Variants in BAMBI observed in about 807,000 individuals in gnomAD.
The protein encoded by BAMBI is BMP and activin membrane bound inhibitor.
A neutral mutation model predicts 24.1 loss-of-function variants in BAMBI; 21 were observed. The ratio of observed to expected loss-of-function variants is 0.87; its 90% CI spans 0.62 to 1.26. The LOEUF (loss-of-function observed/expected upper bound fraction) is 1.26, where lower values mean the gene tolerates loss of function less well. BAMBI is among the 50% of genes most tolerant of loss of function. The probability of loss-of-function intolerance (pLI) is 0.00; values close to 1 mark genes in which losing one functional copy is unlikely to be tolerated. For synonymous variants in BAMBI, 156 were observed against 123.1 expected, an observed-to-expected ratio of 1.27 and a Z score of -1.77; for missense variants, 388 against 329.1, an observed-to-expected ratio of 1.18 and a Z score of -1.38.
rs1359783512 is a variant in BAMBI at position 28,682,644 on chromosome 10, C to T, written c.*243C>T. ...GAGAAGACTTTGTACACACTGTCAC[C>T]AGGGTTATTTGCATCCAAGGGAGCT... On this transcript the variant is annotated 3_prime_UTR_variant, in exon 3 of 3. Coordinates refer to ENST00000375533, the MANE Select transcript of BAMBI (RefSeq NM_012342.3). 1 of 401,758 alleles carries T rather than the reference C, an allele frequency of 2.5e-6. No individual in the cohort carries two copies. Among genetic ancestry groups the T allele is most frequent in the African/African-American group, 2.0e-5 (1 of 50,066 alleles). The allele number at this position is 401,758 out of a possible 1,614,324, so 24.9% of individuals were successfully genotyped here.
chr10:28,678,004 T>A, intron 1 of BAMBI, 31 bp downstream of exon 1: 1 of 1,495,172 alleles, frequency 6.7e-7, no homozygotes. Context: ...GGGCCCGGGG[T>A]CCCGTCCTCG....
chr10:28,682,510 CAA>C lies in BAMBI; in HGVS notation c.*112_*113del, dbSNP rs1834511203. 3 of 995,368 alleles carry C rather than the reference CAA, an allele frequency of 3.0e-6. No homozygotes were observed. Among genetic ancestry groups the C allele is most frequent in the South Asian group, 3.4e-5 (2 of 58,360 alleles). 61.7% of individuals were successfully genotyped at this position (995,368 alleles called of 1,614,324 possible). A position where few individuals can be genotyped will look rare whatever the true frequency, so the allele number is the denominator to read the frequency against. On this transcript the variant is annotated 3_prime_UTR_variant, in exon 3 of 3. Transcript: ENST00000375533. The stretch of plus-strand genomic sequence containing the variant: ...AACTCATTTAATCATCTTTGAGAGA[CAA>C]AATGACCTCTGCAAACAGAATCTTG...
Position 28,677,878 on chromosome 10 carries a change from C to G in BAMBI, c.-20C>G, listed in dbSNP as rs1588642502. 8 of 1,492,314 alleles carry G rather than the reference C, an allele frequency of 5.4e-6. No homozygotes were observed. In the East Asian group the frequency reaches 2.2e-4, roughly 41 times the overall value. The allele number at this position is 1,492,314 out of a possible 1,614,324, so 92.4% of individuals were successfully genotyped here. A position where few individuals can be genotyped will look rare whatever the true frequency, so the allele number is the denominator to read the frequency against. On this transcript the variant is annotated 5_prime_UTR_variant, in exon 1 of 3. Transcript: ENST00000375533. ...GGGCTCCGGAAGCCGGCGGGGGCGC[C>G]GCGGCCGTGCGGGGCGTCAATGGAT...
rs957255547 is a variant in BAMBI, at chr10:28,682,488, T to G, written c.*87T>G. On this transcript the variant is annotated 3_prime_UTR_variant, in exon 3 of 3. Transcript: ENST00000375533. ...AGGAGCACTTTATCTGAAGACAAACTCATTTAATCATCTTTGAGAGACAAA... is the reference window on the plus strand; with the variant it reads ...AGGAGCACTTTATCTGAAGACAAACGCATTTAATCATCTTTGAGAGACAAA... 1.6e-6 allele frequency: 2 copies of G among 1,228,308 alleles called. No homozygotes were observed. Among genetic ancestry groups the G allele is most frequent in the Non-Finnish European group, 2.3e-6 (2 of 876,358 alleles). 76.1% of individuals were successfully genotyped at this position (1,228,308 alleles called of 1,614,324 possible).
intron 1 of BAMBI, among the ~76,000 whole-genome samples, chr10:28,679,615 C>T (rs1020259465): frequency 6.6e-6 from 1 of 152,174 alleles, no homozygotes; most frequent in Non-Finnish European, 1.5e-5. Context: ...AATAGGCTCT[C>T]ATAAACATTT....
chr10:28,678,197 TGCGGGGAGCGGCGCGTTTGCAGCCCA>T (rs1443432086), intron 1 of BAMBI, among the ~76,000 whole-genome samples: 2 of 152,194 alleles, frequency 1.3e-5, no homozygotes, highest in Admixed American at 1.3e-4. Flanking sequence ...TGGCTCTGCC[TGCGGGGAGCGGCGCGTTTGCAGCCCA>T]GCGGGGAGCG....
Position 28,677,695 on chromosome 10 carries a change from G to A in BAMBI, c.-203G>A, listed in dbSNP as rs1354222530. 3 of 283,250 alleles carry A rather than the reference G, an allele frequency of 1.1e-5. No homozygotes were observed. The highest frequency in any genetic ancestry group is 1.9e-5 in the Non-Finnish European group (3 of 153,892). The allele number at this position is 283,250 out of a possible 1,614,324, so 17.5% of individuals were successfully genotyped here. A position where few individuals can be genotyped will look rare whatever the true frequency, so the allele number is the denominator to read the frequency against. ...AAGGGAGCCAGTGGCCGCCGACGGG[G>A]GACCGGGAAACTTTTCTGGGCTCCT... On this transcript the variant is annotated 5_prime_UTR_variant, in exon 1 of 3. Transcript: ENST00000375533.
At chr10:28,678,397 C>G (rs1010544164) in intron 1 of BAMBI, among the ~76,000 whole-genome samples, 1 of 152,154 alleles carries the variant, frequency 6.6e-6, no homozygotes, top group African/African-American at 2.4e-5. Context: ...CTCAGTATCC[C>G]TAAATGCATT....
intron 1 of BAMBI, 54 bp downstream of exon 1, chr10:28,678,027 G>A: frequency 6.8e-7 from 1 of 1,462,090 alleles, no homozygotes; most frequent in South Asian, 1.3e-5. Context: ...GCGGGGCTTT[G>A]GAGCCGGCTG....
intron 2 of BAMBI, 23 bp downstream of exon 2, chr10:28,681,568 C>T (rs918349866): frequency 6.2e-7 from 1 of 1,608,400 alleles, no homozygotes; most frequent in African/African-American, 1.3e-5. Flanking sequence ...CGTTTCTAAC[C>T]AGAATGCCTG....
chr10:28,678,381 C>T (rs1393799254), intron 1 of BAMBI, among the ~76,000 whole-genome samples: 2 of 152,218 alleles, frequency 1.3e-5, no homozygotes, highest in African/African-American at 2.4e-5. Context: ...GAGTGTGTCT[C>T]TGAGTCTCAG....
At chr10:28,679,707 T>A (rs1834478067) in intron 1 of BAMBI, among the ~76,000 whole-genome samples, 1 of 152,230 alleles carries the variant, frequency 6.6e-6, no homozygotes, top group Non-Finnish European at 1.5e-5. Context: ...TTTTAATCTG[T>A]TTTATTTATA....
At position 28,682,046 on chromosome 10, in the gene BAMBI, C is replaced by T; in HGVS notation, c.428C>T (p.Thr143Ile). The change falls in exon 3 of 3, where the codon ACT becomes ATT. Residue 143 changes from threonine to isoleucine, a missense_variant. Physicochemically the swap from Thr to Ile is moderately conservative, Grantham distance 89. Coordinates refer to ENST00000375533, the MANE Select transcript of BAMBI (RefSeq NM_012342.3). ...CTTATCACCAAGGTGCAGGAGCTGA[C>T]TTCTTCCAAAGAGTTGTGGTTCCGG... Reference protein sequence around the residue: ...RNLITKVQELTSSKELWFRAA... With the variant: ...RNLITKVQELISSKELWFRAA... 6.2e-7 allele frequency: 1 copy of T among 1,614,192 alleles called. No individual in the cohort carries two copies. Among genetic ancestry groups the T allele is most frequent in the Non-Finnish European group, 8.5e-7 (1 of 1,180,048 alleles).
chr10:28,682,002 G>A lies in BAMBI; in HGVS notation c.384G>A (p.Gln128=). Residue 128 remains glutamine (Q), a synonymous_variant, in exon 3 of 3, where the codon CAG becomes CAA. Transcript: ENST00000375533. The part of the protein sequence containing the change: ...GEASGQGNRY[Q]HDGSRNLITK... ...CTTTAGGACAAGGAAACAGGTATCA[G>A]CATGATGGTAGCAGAAACCTTATCA... 1 of 1,613,436 alleles carries A rather than the reference G, an allele frequency of 6.2e-7. No homozygotes were observed. The highest frequency in any genetic ancestry group is 1.1e-5 in the South Asian group (1 of 91,040).
Position 28,682,548 on chromosome 10 carries a change from C to A in BAMBI, c.*147C>A. ...GCAAACAGAATCTTGGATATTTCTT[C>A]TGAAGGATTATTTGCACAGACTTAA... On this transcript the variant is annotated 3_prime_UTR_variant, in exon 3 of 3. Transcript: ENST00000375533. The A allele has an allele frequency of 1.4e-6, 1 of 714,580 alleles. No individual in the cohort carries two copies. The highest frequency in any genetic ancestry group is 2.3e-6 in the Non-Finnish European group (1 of 442,658). The allele number at this position is 714,580 out of a possible 1,614,324, so 44.3% of individuals were successfully genotyped here.
intron 1 of BAMBI, among the ~76,000 whole-genome samples, chr10:28,678,352 C>A (rs549300996): frequency 6.6e-6 from 1 of 152,170 alleles, no homozygotes; most frequent in Non-Finnish European, 1.5e-5. Context: ...TGTGTGAGTG[C>A]CTCAGGGTGT....
chr10:28,680,330 G>A (rs930103044), intron 1 of BAMBI, among the ~76,000 whole-genome samples: 7 of 152,116 alleles, frequency 4.6e-5, no homozygotes, highest in Non-Finnish European at 7.3e-5. Context: ...CTTGCCCTGC[G>A]ACAAAATGTG....
At chr10:28,681,157 T>TAA in intron 1 of BAMBI, 101 bp from the exon 2 acceptor site, 1 of 1,303,752 alleles carries the variant, frequency 7.7e-7, no homozygotes, top group Non-Finnish European at 1.1e-6. Flanking sequence ...TTGGATGATC[T>TAA]AAAAGTTCAT....
At chr10:28,680,668 A>C (rs895485935) in intron 1 of BAMBI, among the ~76,000 whole-genome samples, 4 of 152,228 alleles carry the variant, frequency 2.6e-5, no homozygotes, top group African/African-American at 9.6e-5. Context: ...CCTCTGCATG[A>C]AAAGATCTTT....
Sources: gnomAD v4.1 joint callset for allele counts (sites outside exome capture counted in the v4.1 genomes callset) on GRCh38, gnomAD v4.1.1 for gene constraint, MANE v1.5 for transcripts, NCBI Gene and HGNC (gene_info 2026-07-23, HGNC 2026-07-21) for gene names.